CDKAL1: variants seen among roughly 807,000 people sequenced by gnomAD.
CDKAL1 encodes the protein CDKAL1 threonylcarbamoyladenosine tRNA methylthiotransferase.
In CDKAL1, 32 loss-of-function variants were observed where a neutral mutation model predicts 68.2. That is an observed-to-expected ratio of 0.47 (90% confidence interval 0.35 to 0.63). The LOEUF is 0.63. Among genes scored for constraint, CDKAL1 ranks in the 30% least tolerant of loss-of-function variants. The pLI, the probability that CDKAL1 is intolerant of heterozygous loss-of-function variation, is 0.00. For missense variants in CDKAL1, 606 were observed against 696.7 expected, an observed-to-expected ratio of 0.87 and a Z score of 1.47; for synonymous variants, 234 against 244.3, an observed-to-expected ratio of 0.96 and a Z score of 0.39.
Position 20,548,256 on chromosome 6 carries a change from T to C in CDKAL1, c.174-337T>C, listed in dbSNP as rs7773488. Among the ~76,000 whole-genome samples the C allele has an allele frequency of 7.6e-3, 1,160 of 152,198 alleles. 10 individuals are homozygous for C. The highest frequency in any genetic ancestry group is 0.024 in the Middle Eastern group (7 of 294). On this transcript the variant is annotated intron_variant, in intron 3 of 15. Coordinates refer to ENST00000274695, the MANE Select transcript of CDKAL1 (RefSeq NM_017774.3). ...TTAAAAATAACTCAATGAGGTTGGG[T>C]GTAGTGGTGGCTCATGCCTGTAATT...
At chr6:20,876,847 C>G (rs1428608081) in intron 9 of CDKAL1, among the ~76,000 whole-genome samples, 1 of 151,978 alleles carries the variant, frequency 6.6e-6, no homozygotes, top group African/African-American at 2.4e-5. Flanking sequence ...TTATGATATA[C>G]ACACACACAC....
At chr6:21,162,493 A>C (rs934144833) in intron 13 of CDKAL1, among the ~76,000 whole-genome samples, 2 of 152,222 alleles carry the variant, frequency 1.3e-5, no homozygotes, top group African/African-American at 4.8e-5. Flanking sequence ...TCTGGCCTTG[A>C]GATTTGAGTT....
Position 21,000,242 on chromosome 6 carries a change from C to G in CDKAL1, c.925C>G (p.Leu309Val), listed in dbSNP as rs1266563738. 1 of 1,609,090 alleles carries G rather than the reference C, an allele frequency of 6.2e-7. No homozygotes were observed. The highest frequency in any genetic ancestry group is 8.5e-7 in the Non-Finnish European group (1 of 1,177,860). ...LEHLEEMAKI[L>V]NHPRVYAFLH... ...TTTTTTTAAGGAAATGGCAAAAATC[C>G]TTAATCACCCCAGAGTCTACGCTTT... Residue 309 changes from leucine (L) to valine (V), a missense_variant, in exon 11 of 16, where the codon CTT becomes GTT. Physicochemically the swap from Leu to Val is conservative, Grantham distance 32. Transcript: ENST00000274695.
At chr6:21,101,989 G>C (rs1773598844) in intron 12 of CDKAL1, among the ~76,000 whole-genome samples, 1 of 152,076 alleles carries the variant, frequency 6.6e-6, no homozygotes, top group Non-Finnish European at 1.5e-5. Flanking sequence ...TTCTCATACT[G>C]TCTTCAGCTT....
At chr6:21,050,522 T>C (rs1314441897) in intron 11 of CDKAL1, among the ~76,000 whole-genome samples, 1 of 152,214 alleles carries the variant, frequency 6.6e-6, no homozygotes, top group Non-Finnish European at 1.5e-5. Context: ...GATGGTCCCC[T>C]ACCCAAAGGC....
chr6:20,765,613 A>T (rs1418007296), intron 7 of CDKAL1, among the ~76,000 whole-genome samples: 1 of 152,184 alleles, frequency 6.6e-6, no homozygotes, highest in Non-Finnish European at 1.5e-5. Context: ...CTTGTTATTC[A>T]TTCTCTCTCT....
intron 5 of CDKAL1, among the ~76,000 whole-genome samples, chr6:20,682,108 T>C (rs1445489803): frequency 6.6e-6 from 1 of 152,184 alleles, no homozygotes; most frequent in Non-Finnish European, 1.5e-5. Context: ...AGGAGCTCCA[T>C]GTCCTAATAT....
At chr6:20,548,084 C>A (rs187785962) in intron 3 of CDKAL1, among the ~76,000 whole-genome samples, 173 of 152,212 alleles carry the variant, frequency 1.1e-3, no homozygotes, top group African/African-American at 3.7e-3. Flanking sequence ...TTTTAGAATT[C>A]TGTGGTTATT....
chr6:20,757,328 T>G (rs1427712253), intron 6 of CDKAL1, among the ~76,000 whole-genome samples: 1 of 151,998 alleles, frequency 6.6e-6, no homozygotes, highest in East Asian at 1.9e-4. Context: ...GAATAGAAAT[T>G]TTTTCATCAA....
chr6:20,780,952 G>A (rs926597064), intron 7 of CDKAL1, among the ~76,000 whole-genome samples, 193 bp from the exon 8 acceptor site: 1 of 152,138 alleles, frequency 6.6e-6, no homozygotes, highest in Non-Finnish European at 1.5e-5. Context: ...GGGATTACAG[G>A]TGTGAGCCAC....
intron 12 of CDKAL1, among the ~76,000 whole-genome samples, chr6:21,098,232 G>C (rs193087122): frequency 7.2e-5 from 11 of 152,328 alleles, no homozygotes; most frequent in Admixed American, 1.3e-4. Context: ...CTCTGATGAG[G>C]AATAGAAACA....
At chr6:20,938,511 A>G (rs1214826350) in intron 9 of CDKAL1, among the ~76,000 whole-genome samples, 1 of 152,106 alleles carries the variant, frequency 6.6e-6, no homozygotes, top group Non-Finnish European at 1.5e-5. Context: ...TTCTATGTAG[A>G]CTGATGGTCT....
chr6:20,859,823 T>C (rs1561837370), intron 9 of CDKAL1, among the ~76,000 whole-genome samples: 1 of 152,226 alleles, frequency 6.6e-6, no homozygotes, highest in East Asian at 1.9e-4. Context: ...CCATTCCAGA[T>C]TCATCCTGTT....
chr6:20,816,107 T>G (rs969309171), intron 8 of CDKAL1, among the ~76,000 whole-genome samples: 6 of 135,422 alleles, frequency 4.4e-5, no homozygotes, highest in African/African-American at 1.7e-4. Context: ...TCTGGACACA[T>G]GGCCTTAATA....
At chr6:21,000,202 T>C in intron 10 of CDKAL1, 25 bp from the exon 11 acceptor site, 1 of 1,600,290 alleles carries the variant, frequency 6.2e-7, no homozygotes, top group Non-Finnish European at 8.5e-7. Context: ...AAATGATTAG[T>C]GTTTTCTCCT....
At chr6:20,699,379 A>G (rs535272368) in intron 5 of CDKAL1, among the ~76,000 whole-genome samples, 1 of 151,314 alleles carries the variant, frequency 6.6e-6, no homozygotes, top group Admixed American at 6.6e-5. Context: ...TTTAGTTACA[A>G]GAATGAACCT....
chr6:20,947,468 G>A (rs1360326588), intron 9 of CDKAL1, among the ~76,000 whole-genome samples: 3 of 152,100 alleles, frequency 2.0e-5, no homozygotes, highest in African/African-American at 7.2e-5. Flanking sequence ...CCATGTACCT[G>A]TAGTTCCAGC....
intron 6 of CDKAL1, among the ~76,000 whole-genome samples, chr6:20,740,794 T>C (rs1439887090): frequency 6.6e-6 from 1 of 152,216 alleles, no homozygotes; most frequent in African/African-American, 2.4e-5. Flanking sequence ...GAATGTTTGG[T>C]AACTTTAGTT....
intron 5 of CDKAL1, among the ~76,000 whole-genome samples, chr6:20,716,157 C>G (rs567457837): frequency 6.6e-6 from 1 of 152,168 alleles, no homozygotes; most frequent in East Asian, 1.9e-4. Context: ...GAGAGTTTCT[C>G]AGCCTTGTGG....
Sources: gnomAD v4.1 joint callset for allele counts (sites outside exome capture counted in the v4.1 genomes callset) on GRCh38, gnomAD v4.1.1 for gene constraint, MANE v1.5 for transcripts, NCBI Gene and HGNC (gene_info 2026-07-23, HGNC 2026-07-21) for gene names.